BRD4: variants seen among roughly 807,000 people sequenced by gnomAD.
BRD4 encodes the protein bromodomain containing 4.
Under a neutral mutation model 142.1 loss-of-function variants are expected in BRD4, and 16 were observed. The observed-to-expected ratio is 0.11, with a 90% confidence interval of 0.08 to 0.17. The LOEUF (loss-of-function observed/expected upper bound fraction) is 0.17. BRD4 is among the 10% of genes least tolerant of loss of function. The pLI, the probability that BRD4 is intolerant of heterozygous loss-of-function variation, is 1.00. For synonymous variants in BRD4, 833 were observed against 707.5 expected (o/e 1.18, Z -2.82); for missense variants, 1,424 against 1,810.9 (o/e 0.79, Z 3.88).
At chr19:15,302,997 G>C (rs2047883933) in intron 1 of BRD4, among the ~76,000 whole-genome samples, 2 of 135,448 alleles carry the variant, frequency 1.5e-5, no homozygotes, top group South Asian at 2.4e-4. Context: ...CACAGAGCGA[G>C]ACTCCGTCGC....
chr19:15,264,260 A>G, intron 6 of BRD4, 144 bp downstream of exon 6: 1 of 1,142,780 alleles, frequency 8.8e-7, no homozygotes, highest in East Asian at 2.4e-5. Context: ...GGGGGCGCTG[A>G]GTTTCTTCGA....
chr19:15,328,475 T>G (rs1194587328), intron 1 of BRD4, among the ~76,000 whole-genome samples: 1 of 152,304 alleles, frequency 6.6e-6, no homozygotes, highest in South Asian at 2.1e-4. Flanking sequence ...GGAAACACAC[T>G]GCATGCCAGG....
At chr19:15,267,347 C>A in intron 4 of BRD4, 69 bp downstream of exon 4, 1 of 1,575,226 alleles carries the variant, frequency 6.3e-7, no homozygotes, top group East Asian at 2.2e-5. Context: ...CTCCCAGCCC[C>A]CCACCAAACT....
At chr19:15,293,257 T>C (rs1159992384) in intron 1 of BRD4, among the ~76,000 whole-genome samples, 1 of 152,166 alleles carries the variant, frequency 6.6e-6, no homozygotes, top group Non-Finnish European at 1.5e-5. Flanking sequence ...GAGTGGTTGT[T>C]TTAAGGGCTC....
chr19:15,299,274 G>C (rs2047848793), intron 1 of BRD4, among the ~76,000 whole-genome samples: 1 of 152,132 alleles, frequency 6.6e-6, no homozygotes, highest in South Asian at 2.1e-4. Context: ...ATTTTAAAAA[G>C]AATTCCCCAA....
rs561115322 is a variant in BRD4 at position 15,296,793 on chromosome 19, A to G, written c.-34-23660T>C. 2.0e-5 allele frequency among the ~76,000 whole-genome samples: 3 copies of G among 152,312 alleles called. No individual in the cohort carries two copies. In the South Asian group the frequency reaches 6.2e-4, roughly 32 times the overall value. On this transcript the variant is annotated intron_variant, in intron 1 of 19. Coordinates refer to ENST00000679869, the MANE Select transcript of BRD4 (RefSeq NM_001379291.1). Reference sequence around the variant, plus strand: ...AATCAACTTACTCTAAATCCTCTGAAAATTCCCTTAACAAAGGAGTTGTGT... The same window carrying G: ...AATCAACTTACTCTAAATCCTCTGAGAATTCCCTTAACAAAGGAGTTGTGT...
chr19:15,324,336 A>G (rs2048089883), intron 1 of BRD4, among the ~76,000 whole-genome samples: 1 of 152,234 alleles, frequency 6.6e-6, no homozygotes, highest in Non-Finnish European at 1.5e-5. Flanking sequence ...ACCTCTAAAG[A>G]AAATATATCT....
intron 14 of BRD4, 63 bp downstream of exon 14, chr19:15,242,837 C>T (rs2145509704): frequency 6.4e-7 from 1 of 1,554,312 alleles, no homozygotes; most frequent in Non-Finnish European, 8.7e-7. Context: ...TTCTGGCTTC[C>T]TGAGGACAAA....
intron 1 of BRD4, among the ~76,000 whole-genome samples, chr19:15,292,804 A>G (rs1282222321): frequency 1.4e-5 from 2 of 143,952 alleles, no homozygotes; most frequent in African/African-American, 5.1e-5. Context: ...AAAAAAAAAA[A>G]AAAAAAAAAA....
In BRD4 at chr19:15,239,860, G is replaced by A. The variant is rs773297674; in HGVS notation, c.3283-39C>T. ...GGCACAGCGGCCGGTGAGGTGGGCAGGCACCCCCGGCCCTAGCCCACAGGA... is the reference window on the plus strand; with the variant it reads ...GGCACAGCGGCCGGTGAGGTGGGCAAGCACCCCCGGCCCTAGCCCACAGGA... On this transcript the variant is annotated intron_variant, in intron 15 of 19. Coordinates refer to ENST00000679869, the MANE Select transcript of BRD4 (RefSeq NM_001379291.1). The surrounding 1 kb of genome is among the most constrained non-coding windows in gnomAD (Gnocchi z 7.4). 6.8e-6 allele frequency: 11 copies of A among 1,613,840 alleles called. No individual in the cohort carries two copies. In the East Asian group the frequency reaches 1.8e-4, roughly 26 times the overall value.
At chr19:15,292,795 A>G (rs2047793176) in intron 1 of BRD4, among the ~76,000 whole-genome samples, 1 of 45,432 alleles carries the variant, frequency 2.2e-5, no homozygotes, top group African/African-American at 9.1e-5. Context: ...AAAAAAAAAA[A>G]AAAAAAAAAA....
At chr19:15,253,192 G>T (rs1034918723) in intron 11 of BRD4, 23 of 332,556 alleles carry the variant, frequency 6.9e-5, no homozygotes, top group Admixed American at 4.1e-4. Flanking sequence ...CCAGCCTAGC[G>T]GCAACCCCGT....
At chr19:15,292,915 G>A (rs906953389) in intron 1 of BRD4, among the ~76,000 whole-genome samples, 2 of 151,818 alleles carry the variant, frequency 1.3e-5, no homozygotes, top group Non-Finnish European at 2.9e-5. Context: ...GCAACAGAAG[G>A]AGGGTAACTC....
intron 1 of BRD4, among the ~76,000 whole-genome samples, chr19:15,306,600 A>G (rs1239695912): frequency 1.3e-5 from 2 of 152,148 alleles, no homozygotes. Flanking sequence ...GGTGTGAGAG[A>G]CGCGAGACCC....
intron 1 of BRD4, among the ~76,000 whole-genome samples, chr19:15,286,696 T>A (rs1012799759): frequency 7.9e-5 from 12 of 152,232 alleles, no homozygotes; most frequent in African/African-American, 1.4e-4. Flanking sequence ...TTAGATTCCA[T>A]AAAACTTGCA....
At chr19:15,242,806 G>A in intron 14 of BRD4, 94 bp downstream of exon 14, 2 of 1,527,896 alleles carry the variant, frequency 1.3e-6, no homozygotes, top group Non-Finnish European at 8.8e-7. Context: ...ACCCACTGCA[G>A]CCTGAAGCAT....
In BRD4 at chr19:15,256,126, G is replaced by A. The variant is rs2047406148; in HGVS notation, c.1689C>T (p.Ser563=). ...RKEEVEENKK[S]KAKEPPPKKT... ...TTTTAGGAGGAGGTTCCTTGGCTTT[G>A]CTTTTTTTATTCTCTTCCACTTCCT... Residue 563 remains serine (S), a synonymous_variant, in exon 9 of 20, where the codon AGC becomes AGT. Transcript: ENST00000679869. 5 of 1,611,662 alleles carry A rather than the reference G, an allele frequency of 3.1e-6. No homozygotes were observed. The highest frequency in any genetic ancestry group is 3.3e-5 in the Admixed American group (2 of 59,870).
At chr19:15,245,234 G>A (rs943012779) in intron 11 of BRD4, among the ~76,000 whole-genome samples, 2 of 152,130 alleles carry the variant, frequency 1.3e-5, no homozygotes, top group African/African-American at 4.8e-5. Context: ...TGGCTAAAAA[G>A]CAGCTTCTCG....
intron 14 of BRD4, among the ~76,000 whole-genome samples, chr19:15,240,938 T>C (rs11668279): frequency 0.76 from 115,868 of 152,164 alleles, 44,527 homozygotes; most frequent in African/African-American, 0.87. Context: ...CCACTGTCTG[T>C]CAGCACAGGC....
Sources: allele counts gnomAD v4.1 joint callset (sites outside exome capture counted in the v4.1 genomes callset), GRCh38; gene constraint gnomAD v4.1.1; non-coding constraint Gnocchi (gnomAD v3.1); transcripts MANE v1.5; gene names NCBI Gene and HGNC (gene_info 2026-07-23, HGNC 2026-07-21).